The following NAALADL2 variants were observed in gnomAD, a reference collection of about 807,000 sequenced individuals.
NAALADL2 encodes N-acetylated alpha-linked acidic dipeptidase like 2.
Under a neutral mutation model 87.2 loss-of-function variants are expected in NAALADL2, and 76 were observed. The observed-to-expected ratio is 0.87, with a 90% CI of 0.72 to 1.05. The LOEUF is 1.05. NAALADL2 is among the 50% of genes least tolerant of loss of function. The pLI, the probability that NAALADL2 is intolerant of heterozygous loss-of-function variation, is 0.00. For synonymous variants in NAALADL2, 354 were observed against 331.0 expected, an observed-to-expected ratio of 1.07 and a Z score of -0.75; for missense variants, 1,089 against 945.8, an observed-to-expected ratio of 1.15 and a Z score of -1.99.
At chr3:174,548,965 C>G (rs934258498) in intron 1 of NAALADL2, among the ~76,000 whole-genome samples, 2 of 152,110 alleles carry the variant, frequency 1.3e-5, no homozygotes, top group Non-Finnish European at 2.9e-5. Context: ...CTCAGCCTCC[C>G]GAGTAGCTGG....
rs1445542460 is a variant in NAALADL2, at chr3:175,806,598, C to T, written c.*3395C>T. The T allele has an allele frequency of 6.6e-6, 1 of 151,396 alleles. No homozygotes were observed. The highest frequency in any genetic ancestry group is 1.5e-5 in the Non-Finnish European group (1 of 67,790). 9.4% of individuals were successfully genotyped at this position (151,396 alleles called of 1,614,324 possible). On this transcript the variant is annotated 3_prime_UTR_variant, in exon 14 of 14. Transcript: ENST00000454872. ...CATTATGAGAAAAGAAAAGTGGACC[C>T]ATTTTATCTCTAAGAAAACAATTCA...
chr3:174,685,091 G>T (rs1349787316), intron 2 of NAALADL2, among the ~76,000 whole-genome samples: 4 of 151,966 alleles, frequency 2.6e-5, no homozygotes, highest in Non-Finnish European at 5.9e-5. Context: ...TTAAAAAACT[G>T]CTATTCCCTG....
rs568094166 is a variant in NAALADL2 at position 175,155,386 on chromosome 3, G to A, written c.545+58095G>A. 1.1e-4 allele frequency among the ~76,000 whole-genome samples: 16 copies of A among 152,174 alleles called. No homozygotes were observed. The East Asian group carries it at 2.1e-3, about 20-fold the overall frequency. ...ACTTGTTTGCCTAAAAGTTGGCACC[G>A]GTCCTGTCAGAATCAAAGTGACAAA... On this transcript the variant is annotated intron_variant, in intron 2 of 13. Coordinates refer to ENST00000454872, the MANE Select transcript of NAALADL2 (RefSeq NM_207015.3).
At chr3:174,707,667 T>C (rs1255421705) in intron 2 of NAALADL2, among the ~76,000 whole-genome samples, 9 of 119,656 alleles carry the variant, frequency 7.5e-5, no homozygotes, top group Admixed American at 7.0e-4. Flanking sequence ...GAGGGGGAGG[T>C]ATAGCATTAG....
chr3:174,623,792 A>G (rs1343638711), intron 2 of NAALADL2, among the ~76,000 whole-genome samples: 1 of 152,110 alleles, frequency 6.6e-6, no homozygotes, highest in Non-Finnish European at 1.5e-5. Context: ...ATTATCAGAA[A>G]CCACATAGAT....
At chr3:174,736,016 G>T (rs544922947) in intron 2 of NAALADL2, among the ~76,000 whole-genome samples, 30 of 152,148 alleles carry the variant, frequency 2.0e-4, no homozygotes, top group Non-Finnish European at 1.6e-4. Context: ...CCAGGCACTG[G>T]CCTGGGTGCT....
chr3:175,623,278 G>C (rs532958322), intron 10 of NAALADL2, among the ~76,000 whole-genome samples: 1 of 74,362 alleles, frequency 1.3e-5, no homozygotes, highest in Non-Finnish European at 3.2e-5. Context: ...AGTTAATACA[G>C]CTTTTATTTG....
chr3:175,100,560 A>G (rs6443280), intron 2 of NAALADL2, among the ~76,000 whole-genome samples: 95,048 of 151,624 alleles, frequency 0.63, 29,957 homozygotes, highest in African/African-American at 0.71. Flanking sequence ...AAAGAAGGCC[A>G]GGGGCAGTGG....
intron 11 of NAALADL2, among the ~76,000 whole-genome samples, chr3:175,674,581 T>C (rs901326508): frequency 3.3e-5 from 5 of 152,098 alleles, no homozygotes; most frequent in African/African-American, 7.2e-5. Flanking sequence ...GTTTTTAAAA[T>C]TGAGATGGAT....
intron 3 of NAALADL2, among the ~76,000 whole-genome samples, chr3:174,798,326 G>A (rs1428539246): frequency 6.6e-6 from 1 of 152,032 alleles, no homozygotes; most frequent in African/African-American, 2.4e-5. Context: ...TATATAGTGG[G>A]CATATATATT....
intron 5 of NAALADL2, among the ~76,000 whole-genome samples, chr3:175,347,170 A>T (rs1399114303): frequency 6.6e-6 from 1 of 152,166 alleles, no homozygotes; most frequent in African/African-American, 2.4e-5. Flanking sequence ...AGCTACCCTC[A>T]GCATTAATTT....
At chr3:174,915,944 C>A (rs879770764) in intron 1 of NAALADL2, among the ~76,000 whole-genome samples, 1 of 152,076 alleles carries the variant, frequency 6.6e-6, no homozygotes, top group Non-Finnish European at 1.5e-5. Context: ...AGGCAACCCA[C>A]GTGTTGGAAG....
intron 1 of NAALADL2, among the ~76,000 whole-genome samples, chr3:174,500,931 A>G (rs1182850487): frequency 6.6e-6 from 1 of 150,864 alleles, no homozygotes; most frequent in East Asian, 2.0e-4. Flanking sequence ...GTCTCAGCTC[A>G]CTGCAACCTC....
At chr3:175,231,601 A>C (rs1468893135) in intron 2 of NAALADL2, among the ~76,000 whole-genome samples, 1 of 152,106 alleles carries the variant, frequency 6.6e-6, no homozygotes, top group Non-Finnish European at 1.5e-5. Context: ...AGTTGCTTGC[A>C]CCATAAAGCA....
At chr3:174,470,416 A>G (rs184314243) in intron 1 of NAALADL2, among the ~76,000 whole-genome samples, 5 of 152,250 alleles carry the variant, frequency 3.3e-5, no homozygotes, top group African/African-American at 1.2e-4. Context: ...TGTCGCATGC[A>G]TAGCTTGAAA....
intron 1 of NAALADL2, among the ~76,000 whole-genome samples, chr3:174,470,208 G>A (rs931792886): frequency 2.6e-5 from 4 of 152,060 alleles, no homozygotes; most frequent in Non-Finnish European, 5.9e-5. Context: ...GTGTGAGATG[G>A]TATCTCATTG....
chr3:174,922,997 C>T lies in NAALADL2; in HGVS notation c.43+63547C>T, dbSNP rs574086150. On this transcript the variant is annotated intron_variant, in intron 1 of 13. Coordinates refer to ENST00000454872, the MANE Select transcript of NAALADL2 (RefSeq NM_207015.3). ...ATTAGAAAGTATCTTTGGGGAGATACTTTGAGATTATGCAAACCTGAAGTT... is the reference window on the plus strand; with the variant it reads ...ATTAGAAAGTATCTTTGGGGAGATATTTTGAGATTATGCAAACCTGAAGTT... Among the ~76,000 whole-genome samples the T allele has an allele frequency of 5.9e-5, 9 of 152,172 alleles. No homozygotes were observed. In the South Asian group the frequency reaches 6.2e-4, roughly 11 times the overall value.
At chr3:174,773,872 GGA>G (rs10573118) in intron 3 of NAALADL2, among the ~76,000 whole-genome samples, 43,741 of 151,836 alleles carry the variant, frequency 0.29, 6,338 homozygotes, top group Middle Eastern at 0.34. Context: ...CTGAAGTGAT[GGA>G]GAGTGAGAGA....
intron 5 of NAALADL2, among the ~76,000 whole-genome samples, chr3:175,417,749 G>C (rs541930555): frequency 6.6e-5 from 10 of 152,116 alleles, no homozygotes; most frequent in African/African-American, 1.2e-4. Flanking sequence ...TAAATGTTTA[G>C]TGTGTAACAC....
Sources: allele counts gnomAD v4.1 joint callset (sites outside exome capture counted in the v4.1 genomes callset), GRCh38; gene constraint gnomAD v4.1.1; transcripts MANE v1.5; gene names NCBI Gene and HGNC (gene_info 2026-07-23, HGNC 2026-07-21).